The following CYFIP2 variants were observed in gnomAD, a reference collection of about 807,000 sequenced individuals.
CYFIP2 encodes cytoplasmic FMR1-interacting protein 2.
Under a neutral mutation model 158.7 loss-of-function variants are expected in CYFIP2, and 29 were observed. The observed-to-expected ratio is 0.18, with a 90% confidence interval of 0.14 to 0.25. The LOEUF is 0.25. Among genes scored for constraint, CYFIP2 ranks in the 10% least tolerant of loss-of-function variants. The pLI is 1.00. For synonymous variants in CYFIP2, 585 were observed against 617.6 expected (o/e 0.95, Z 0.78); for missense variants, 852 against 1,639.5 (o/e 0.52, Z 8.29).
chr5:157,317,289 TAAAA>T (rs1433032408), intron 13 of CYFIP2, among the ~76,000 whole-genome samples: 2 of 152,068 alleles, frequency 1.3e-5, no homozygotes, highest in Non-Finnish European at 2.9e-5. Context: ...TTAAAAAAAT[TAAAA>T]AGAAAAGTAG....
chr5:157,366,044 CAGTT>C (rs1764339800), intron 26 of CYFIP2, among the ~76,000 whole-genome samples: 1 of 152,070 alleles, frequency 6.6e-6, no homozygotes, highest in Non-Finnish European at 1.5e-5. Flanking sequence ...AGCTTCAAAG[CAGTT>C]TTCAAATTGT....
intron 23 of CYFIP2, among the ~76,000 whole-genome samples, chr5:157,358,205 A>G (rs1435851147): frequency 2.0e-5 from 3 of 152,204 alleles, no homozygotes; most frequent in Non-Finnish European, 2.9e-5. Flanking sequence ...TTAGGGCCCT[A>G]TAGCATGGTT....
intron 26 of CYFIP2, among the ~76,000 whole-genome samples, chr5:157,366,829 A>G (rs1764418039): frequency 6.6e-6 from 1 of 152,340 alleles, no homozygotes; most frequent in South Asian, 2.1e-4. Flanking sequence ...GTCATTAGGG[A>G]AAATAGCAGT....
chr5:157,304,266 C>T lies in CYFIP2; in HGVS notation c.695C>T (p.Pro232Leu). 1 of 1,613,424 alleles carries T rather than the reference C, an allele frequency of 6.2e-7. No homozygotes were observed. Among genetic ancestry groups the T allele is most frequent in the Non-Finnish European group, 8.5e-7 (1 of 1,179,872 alleles). ...CTCCACCAGCAACTTGAAGTGATCCCAGGCTATGAGGAGCTGCTGGCTGAC... is the reference window on the plus strand; with the variant it reads ...CTCCACCAGCAACTTGAAGTGATCCTAGGCTATGAGGAGCTGCTGGCTGAC... ...QCLHQQLEVIPGYEELLADIV... is the reference protein window; with the variant it reads ...QCLHQQLEVILGYEELLADIV... Residue 232 changes from proline to leucine, a missense_variant, in exon 8 of 31, where the codon CCA becomes CTA. Physicochemically the swap from Pro to Leu is moderately conservative, Grantham distance 98 (BLOSUM62 -3). Around this residue, in one of 8 missense-constraint regions of CYFIP2, gnomAD observed 123 missense variants for 316.7 expected, o/e 0.39. Transcript: ENST00000620254.
intron 11 of CYFIP2, among the ~76,000 whole-genome samples, chr5:157,313,703 G>A (rs1759920105): frequency 6.6e-6 from 1 of 152,120 alleles, no homozygotes; most frequent in Admixed American, 6.5e-5. Flanking sequence ...AGGACTGGCT[G>A]TATATGTATA....
At position 157,311,802 on chromosome 5, in the gene CYFIP2, G is replaced by A; in HGVS notation, c.1110+21G>A. 2 of 1,575,354 alleles carry A rather than the reference G, an allele frequency of 1.3e-6. No homozygotes were observed. The highest frequency in any genetic ancestry group is 1.7e-6 in the Non-Finnish European group (2 of 1,160,062). The stretch of plus-strand genomic sequence containing the variant: ...GTGAGGTGAGCATGCAGGCTGCTGG[G>A]GCACAGGCCCGTGGGCCCAGGGCCA... On this transcript the variant is annotated intron_variant, in intron 11 of 30. Transcript: ENST00000620254. This position sits in a 1 kb window ranked among gnomAD's most constrained non-coding sequence, Gnocchi z 4.7.
At chr5:157,383,893 C>T (rs554965138) in intron 28 of CYFIP2, among the ~76,000 whole-genome samples, 61 of 152,300 alleles carry the variant, frequency 4.0e-4, no homozygotes, top group African/African-American at 1.4e-3. Context: ...CTTGTTGCAT[C>T]AGTGTGGATA....
intron 22 of CYFIP2, 84 bp from the exon 23 acceptor site, chr5:157,340,986 C>G: frequency 7.6e-7 from 1 of 1,318,282 alleles, no homozygotes; most frequent in Non-Finnish European, 1.1e-6. Context: ...TTCACCTGGC[C>G]AGGAAGCACT....
At chr5:157,328,093 C>A in intron 19 of CYFIP2, 44 bp downstream of exon 19, 2 of 1,558,042 alleles carry the variant, frequency 1.3e-6, no homozygotes, top group South Asian at 1.1e-5. Flanking sequence ...CTTAAGACTG[C>A]CACCTAGAAG....
At chr5:157,307,373 T>C (rs982928589) in intron 8 of CYFIP2, among the ~76,000 whole-genome samples, 1 of 152,222 alleles carries the variant, frequency 6.6e-6, no homozygotes, top group Non-Finnish European at 1.5e-5. Context: ...CTGTCTCTGC[T>C]GCTTCGCTGT....
chr5:157,306,123 C>T (rs1175907657), intron 8 of CYFIP2, among the ~76,000 whole-genome samples: 1 of 152,198 alleles, frequency 6.6e-6, no homozygotes, highest in Non-Finnish European at 1.5e-5. Context: ...TCTCAATGTT[C>T]TGGTGGTTTT....
chr5:157,266,424 G>T lies in CYFIP2; in HGVS notation c.-24+229G>T, dbSNP rs1316290582. 1 of 151,938 alleles carries T rather than the reference G, an allele frequency of 6.6e-6. No individual in the cohort carries two copies. The highest frequency in any genetic ancestry group is 1.5e-5 in the Non-Finnish European group (1 of 68,014). 9.4% of individuals were successfully genotyped at this position (151,938 alleles called of 1,614,324 possible). ...CACGGACCCTCTGCCCGGGAGGCGC[G>T]GGCACATCGCGGAGCTCCGGCGCGG... is the stretch of plus-strand genomic sequence containing the variant. On this transcript the variant is annotated intron_variant, in intron 1 of 30. Coordinates refer to ENST00000620254, the MANE Select transcript of CYFIP2 (RefSeq NM_001037333.3). This position sits in a 1 kb window ranked among gnomAD's most constrained non-coding sequence, Gnocchi z 4.2.
chr5:157,377,104 T>G (rs1765559496), intron 26 of CYFIP2, among the ~76,000 whole-genome samples: 2 of 151,458 alleles, frequency 1.3e-5, no homozygotes, highest in Non-Finnish European at 2.9e-5. Flanking sequence ...GGCCCTGCTT[T>G]CTCCTGCTTG....
intron 7 of CYFIP2, among the ~76,000 whole-genome samples, chr5:157,303,762 C>A (rs1483024524): frequency 6.6e-6 from 1 of 151,988 alleles, no homozygotes; most frequent in Non-Finnish European, 1.5e-5. Context: ...GGACCTCAGA[C>A]CCTTCTCTAA....
chr5:157,376,983 C>G (rs1014683468), intron 26 of CYFIP2: 1 of 436,912 alleles, frequency 2.3e-6, no homozygotes, highest in African/African-American at 2.0e-5. Context: ...TAAACGGTAC[C>G]AACGTCATAC....
At chr5:157,363,137 C>T (rs1022509634) in intron 26 of CYFIP2, 19 of 152,350 alleles carry the variant, frequency 1.2e-4, no homozygotes, top group African/African-American at 4.6e-4. Context: ...ACTGTGCTCT[C>T]CTCCTTCCTC....
intron 1 of CYFIP2, among the ~76,000 whole-genome samples, chr5:157,284,995 G>T (rs552132496): frequency 2.0e-5 from 3 of 152,266 alleles, no homozygotes; most frequent in Admixed American, 2.0e-4. Flanking sequence ...CATCCCACTT[G>T]AGGTCCCTCG....
In CYFIP2 at chr5:157,311,603, G is replaced by T. The variant is rs1759731911; in HGVS notation, c.993-61G>T. 1 of 1,467,878 alleles carries T rather than the reference G, an allele frequency of 6.8e-7. No individual in the cohort carries two copies. Among genetic ancestry groups the T allele is most frequent in the African/African-American group, 1.4e-5 (1 of 71,704 alleles). 90.9% of individuals were successfully genotyped at this position (1,467,878 alleles called of 1,614,324 possible). On this transcript the variant is annotated intron_variant, in intron 10 of 30. Transcript: ENST00000620254. This position sits in a 1 kb window ranked among gnomAD's most constrained non-coding sequence, Gnocchi z 4.7. Reference sequence around the variant, plus strand: ...GGGCTGAGCACCAGGAGCAGCTAATGCCTGTTCCACCCAGGCGCCTGAGGC... The same window carrying T: ...GGGCTGAGCACCAGGAGCAGCTAATTCCTGTTCCACCCAGGCGCCTGAGGC...
chr5:157,302,756 G>A, intron 6 of CYFIP2, 38 bp from the exon 7 acceptor site: 1 of 1,529,632 alleles, frequency 6.5e-7, no homozygotes, highest in East Asian at 2.4e-5. Context: ...GTTGCACTTG[G>A]ACAGTCCTCT....
Sources: allele counts gnomAD v4.1 joint callset (sites outside exome capture counted in the v4.1 genomes callset), GRCh38; gene constraint gnomAD v4.1.1; regional missense constraint gnomAD v4.1.1; non-coding constraint Gnocchi (gnomAD v3.1); transcripts MANE v1.5; gene names NCBI Gene and HGNC (gene_info 2026-07-23, HGNC 2026-07-21).